GPR137C: variants seen among roughly 807,000 people sequenced by gnomAD.
The protein encoded by GPR137C is integral membrane protein GPR137C.
In GPR137C, 27 loss-of-function variants were observed where a neutral mutation model predicts 43.4. The ratio of observed to expected loss-of-function variants is 0.62; its 90% confidence interval spans 0.46 to 0.86. GPR137C has a LOEUF of 0.86. Among genes scored for constraint, GPR137C ranks in the 40% least tolerant of loss-of-function variants. The probability of loss-of-function intolerance (pLI) is 0.00; values close to 1 mark genes in which losing one functional copy is unlikely to be tolerated. For missense variants in GPR137C, 522 were observed against 534.6 expected (o/e 0.98, Z 0.23); for synonymous variants, 285 against 226.9 (o/e 1.26, Z -2.30).
chr14:52,618,949 A>G (rs184638746), intron 3 of GPR137C, among the ~76,000 whole-genome samples: 38 of 152,302 alleles, frequency 2.5e-4, no homozygotes, highest in Admixed American at 2.0e-4. Context: ...ATATCTGGAT[A>G]AGGGTATAAA....
intron 1 of GPR137C, among the ~76,000 whole-genome samples, chr14:52,589,319 G>A (rs972179998): frequency 8.5e-5 from 13 of 152,088 alleles, no homozygotes; most frequent in African/African-American, 3.1e-4. Flanking sequence ...GGTGATGGTT[G>A]CACAACATTG....
At chr14:52,612,399 A>G (rs2039048018) in intron 3 of GPR137C, 2 of 979,696 alleles carry the variant, frequency 2.0e-6, no homozygotes, top group East Asian at 1.1e-4. Flanking sequence ...GTGGTTTTCA[A>G]AAAAGAATGT....
intron 3 of GPR137C, among the ~76,000 whole-genome samples, chr14:52,620,404 G>T (rs1386887411): frequency 6.6e-6 from 1 of 151,998 alleles, no homozygotes; most frequent in East Asian, 1.9e-4. Flanking sequence ...ACGTATGGGG[G>T]ACAGAGTTTG....
chr14:52,584,151 T>G (rs2038683564), intron 1 of GPR137C, among the ~76,000 whole-genome samples: 1 of 152,186 alleles, frequency 6.6e-6, no homozygotes, highest in South Asian at 2.1e-4. Context: ...TTTCCAATTC[T>G]AAATTACTAC....
chr14:52,556,391 C>CTTTTTTTTTTTTTTT (rs76210630), intron 1 of GPR137C, among the ~76,000 whole-genome samples: 1 of 140,276 alleles, frequency 7.1e-6, no homozygotes, highest in Non-Finnish European at 1.6e-5. Flanking sequence ...CCCCTTTTTT[C>CTTTTTTTTTTTTTTT]TTTTTTTTTT....
At chr14:52,569,844 A>G (rs747269124) in intron 1 of GPR137C, among the ~76,000 whole-genome samples, 5 of 152,066 alleles carry the variant, frequency 3.3e-5, no homozygotes, top group Non-Finnish European at 5.9e-5. Flanking sequence ...GAAGGGGAGA[A>G]TGAAAACACT....
intron 2 of GPR137C, 139 bp downstream of exon 2, chr14:52,598,454 AC>A (rs1337551908): frequency 4.7e-6 from 2 of 428,878 alleles, no homozygotes; most frequent in Non-Finnish European, 8.5e-6. Context: ...TGTTGAGGGC[AC>A]CTTCACAGTT....
At chr14:52,601,563 T>C (rs538917484) in intron 3 of GPR137C, among the ~76,000 whole-genome samples, 1 of 151,980 alleles carries the variant, frequency 6.6e-6, no homozygotes, top group South Asian at 2.1e-4. Context: ...TTCAAACTTA[T>C]TAATCTTACC....
chr14:52,616,005 C>G (rs2039094584), intron 3 of GPR137C, among the ~76,000 whole-genome samples: 1 of 152,072 alleles, frequency 6.6e-6, no homozygotes, highest in South Asian at 2.1e-4. Context: ...ATGTCAATGT[C>G]CTTGTATAGA....
At chr14:52,598,215 A>G in intron 1 of GPR137C, 57 bp from the exon 2 acceptor site, 1 of 609,282 alleles carries the variant, frequency 1.6e-6, no homozygotes, top group Non-Finnish European at 2.8e-6. Context: ...ATCAGAACAT[A>G]TTTAAGAATT....
chr14:52,595,456 A>G (rs770366263), intron 1 of GPR137C, among the ~76,000 whole-genome samples: 6 of 152,216 alleles, frequency 3.9e-5, no homozygotes, highest in Non-Finnish European at 8.8e-5. Context: ...CAGGTACAAC[A>G]ATCAAACATA....
At chr14:52,603,200 T>C (rs1006165052) in intron 3 of GPR137C, among the ~76,000 whole-genome samples, 1 of 152,192 alleles carries the variant, frequency 6.6e-6, no homozygotes, top group African/African-American at 2.4e-5. Context: ...TGTAGTATAT[T>C]TGTCTTTCTG....
At chr14:52,560,506 G>C (rs895779027) in intron 1 of GPR137C, among the ~76,000 whole-genome samples, 2 of 152,168 alleles carry the variant, frequency 1.3e-5, no homozygotes, top group Non-Finnish European at 2.9e-5. Context: ...TACTTGAAGA[G>C]TAACTGTAAA....
intron 1 of GPR137C, among the ~76,000 whole-genome samples, chr14:52,558,104 A>C (rs2038222344): frequency 1.3e-5 from 1 of 75,326 alleles, no homozygotes; most frequent in Admixed American, 1.4e-4. Flanking sequence ...AGAAACTACC[A>C]AAAAAAAAAA....
At chr14:52,615,223 G>A (rs1227409982) in intron 3 of GPR137C, among the ~76,000 whole-genome samples, 1 of 152,122 alleles carries the variant, frequency 6.6e-6, no homozygotes, top group African/African-American at 2.4e-5. Flanking sequence ...CTTTTCCCCA[G>A]TGTATGTTCT....
intron 3 of GPR137C, among the ~76,000 whole-genome samples, chr14:52,604,153 G>A (rs1368813755): frequency 6.6e-6 from 1 of 151,948 alleles, no homozygotes; most frequent in African/African-American, 2.4e-5. Context: ...ATATATTCTG[G>A]TTATTAATCC....
chr14:52,585,387 T>C (rs959831121), intron 1 of GPR137C, among the ~76,000 whole-genome samples: 2 of 152,208 alleles, frequency 1.3e-5, no homozygotes, highest in Non-Finnish European at 2.9e-5. Flanking sequence ...TTGCTCTCTC[T>C]CTCGCTCTGT....
chr14:52,571,370 C>A (rs1434879194), intron 1 of GPR137C, among the ~76,000 whole-genome samples: 2 of 152,108 alleles, frequency 1.3e-5, no homozygotes, highest in African/African-American at 4.8e-5. Flanking sequence ...ACTAAATGCC[C>A]ACAGGAGAAA....
intron 1 of GPR137C, among the ~76,000 whole-genome samples, chr14:52,592,232 A>G (rs569438694): frequency 3.9e-5 from 6 of 152,014 alleles, no homozygotes; most frequent in Non-Finnish European, 7.4e-5. Flanking sequence ...CTGTAGCCTT[A>G]TAGTATAGTT....
Sources: gnomAD v4.1 joint callset for allele counts (sites outside exome capture counted in the v4.1 genomes callset) on GRCh38, gnomAD v4.1.1 for gene constraint, MANE v1.5 for transcripts, NCBI Gene and HGNC (gene_info 2026-07-23, HGNC 2026-07-21) for gene names.